The following TTLL5 variants were observed in gnomAD, a reference collection of about 807,000 sequenced individuals.
TTLL5 encodes tubulin tyrosine ligase like 5.
A neutral mutation model predicts 168.4 loss-of-function variants in TTLL5; 132 were observed. The observed-to-expected ratio is 0.78, with a 90% CI of 0.68 to 0.91. The LOEUF is 0.91. Ranked by LOEUF, TTLL5 falls within the 40% of genes least tolerant of loss-of-function variation. The probability of loss-of-function intolerance (pLI) is 0.00; values close to 1 mark genes in which losing one functional copy is unlikely to be tolerated. For missense variants in TTLL5, 1,545 were observed against 1,581.5 expected, an observed-to-expected ratio of 0.98 and a Z score of 0.39; for synonymous variants, 546 against 558.6, an observed-to-expected ratio of 0.98 and a Z score of 0.32.
At chr14:75,670,520 T>A (rs1248765344) in intron 3 of TTLL5, among the ~76,000 whole-genome samples, 1 of 152,210 alleles carries the variant, frequency 6.6e-6, no homozygotes, top group East Asian at 1.9e-4. Flanking sequence ...AGCTGTACCG[T>A]TTTACATTCC....
At chr14:75,735,142 C>G (rs1247345771) in intron 14 of TTLL5, 53 bp from the exon 15 acceptor site, 2 of 1,548,594 alleles carry the variant, frequency 1.3e-6, no homozygotes, top group Non-Finnish European at 1.8e-6. Context: ...GCAGCCAGAC[C>G]TGCTAATTTC....
At position 75,782,536 on chromosome 14, in the gene TTLL5, G is replaced by A. The variant is rs1181979097; in HGVS notation, c.2565G>A (p.Gln855=). The change falls in exon 25 of 32, where the codon CAG becomes CAA. Residue 855 remains glutamine (Q), a synonymous_variant. Coordinates refer to ENST00000298832, the MANE Select transcript of TTLL5 (RefSeq NM_015072.5). ...AAGTGAAAATAAAGCCACCTAAACAGCAACAGACGACAGAAATTCATTCTG... is the reference window on the plus strand; with the variant it reads ...AAGTGAAAATAAAGCCACCTAAACAACAACAGACGACAGAAATTCATTCTG... ...MEEVKIKPPK[Q]QQTTEIHSDK... 3.1e-6 allele frequency: 5 copies of A among 1,613,898 alleles called. No individual in the cohort carries two copies. Among genetic ancestry groups the A allele is most frequent in the Non-Finnish European group, 3.4e-6 (4 of 1,179,924 alleles).
Position 75,755,133 on chromosome 14 carries a change from G to T in TTLL5, c.1550+2178G>T, listed in dbSNP as rs567797874. Reference sequence around the variant, plus strand: ...TACAAAATTAGCCAGGCTTGGTGGCGCATGCCTATAATCCCAGCTACTTGG... The same window carrying T: ...TACAAAATTAGCCAGGCTTGGTGGCTCATGCCTATAATCCCAGCTACTTGG... On this transcript the variant is annotated intron_variant, in intron 18 of 31. Coordinates refer to ENST00000298832, the MANE Select transcript of TTLL5 (RefSeq NM_015072.5). Among the ~76,000 whole-genome samples the T allele has an allele frequency of 2.6e-5, 4 of 151,894 alleles. No homozygotes were observed. The East Asian group carries it at 5.8e-4, about 22-fold the overall frequency.
chr14:75,820,013 A>G lies in TTLL5; in HGVS notation c.3178A>G (p.Asn1060Asp). The G allele has an allele frequency of 1.3e-6, 2 of 1,596,898 alleles. No individual in the cohort carries two copies. The highest frequency in any genetic ancestry group is 1.7e-6 in the Non-Finnish European group (2 of 1,173,608). The change falls in exon 28 of 32, where the codon AAC (asparagine) becomes GAC (aspartate). Residue 1060 changes from asparagine to aspartate, a missense_variant. Transcript: ENST00000298832. ...HINLLTQQVT[N>D]LNLATGIINR... is the part of the protein sequence containing the mutation. ...TCCCTCGCTTTATTTCTAGGTAACA[A>G]ACCTGAATTTGGCAACTGGCATCAT...
intron 31 of TTLL5, among the ~76,000 whole-genome samples, chr14:75,953,054 T>C (rs1270320994): frequency 6.6e-6 from 1 of 152,120 alleles, no homozygotes. Flanking sequence ...TTTTAAAAAA[T>C]CAATAACAAT....
At chr14:75,884,117 A>C (rs2031967575) in intron 30 of TTLL5, among the ~76,000 whole-genome samples, 1 of 152,268 alleles carries the variant, frequency 6.6e-6, no homozygotes, top group Non-Finnish European at 1.5e-5. Context: ...TAACAGAGTT[A>C]ATATGTGTGA....
rs192869990 is a variant in TTLL5, at chr14:75,778,631, C to G, written c.2388-944C>G. On this transcript the variant is annotated intron_variant, in intron 23 of 31. Transcript: ENST00000298832. The stretch of plus-strand genomic sequence containing the variant: ...GTTTTCTGAAGATGGGATATAGGTT[C>G]TCTGTGATAATGCAGGCATTCTTCA... 3.2e-3 allele frequency among the ~76,000 whole-genome samples: 494 copies of G among 152,210 alleles called. 2 individuals are homozygous for G. The highest frequency in any genetic ancestry group is 4.9e-3 in the Non-Finnish European group (335 of 68,024).
intron 18 of TTLL5, among the ~76,000 whole-genome samples, chr14:75,756,997 G>A (rs1890308153): frequency 1.3e-5 from 2 of 150,276 alleles, no homozygotes; most frequent in Non-Finnish European, 3.0e-5. Context: ...TGTTTTTTTT[G>A]AGAGGAGTCT....
At chr14:75,902,872 T>C (rs1052786124) in intron 31 of TTLL5, among the ~76,000 whole-genome samples, 2 of 152,080 alleles carry the variant, frequency 1.3e-5, no homozygotes, top group African/African-American at 4.8e-5. Context: ...CTAGAGAAAA[T>C]AACATGCTGG....
chr14:75,745,685 TTTTG>T (rs1889565862), intron 17 of TTLL5, 104 bp downstream of exon 17: 5 of 863,846 alleles, frequency 5.8e-6, no homozygotes, highest in Middle Eastern at 2.5e-4. Context: ...GCTTTTCTTA[TTTTG>T]TTTATTTATA....
At chr14:75,846,869 C>T (rs1005719720) in intron 28 of TTLL5, among the ~76,000 whole-genome samples, 1 of 151,378 alleles carries the variant, frequency 6.6e-6, no homozygotes, top group Non-Finnish European at 1.5e-5. Context: ...TTTATGGACT[C>T]GAAGTGTGAG....
At chr14:75,762,888 A>G (rs1028299775) in intron 18 of TTLL5, among the ~76,000 whole-genome samples, 39 of 152,236 alleles carry the variant, frequency 2.6e-4, no homozygotes, top group African/African-American at 8.2e-4. Context: ...TCTTGTTTAT[A>G]TAATGAACAG....
intron 29 of TTLL5, among the ~76,000 whole-genome samples, chr14:75,865,947 A>G (rs1310882979): frequency 6.6e-6 from 1 of 152,212 alleles, no homozygotes; most frequent in East Asian, 1.9e-4. Flanking sequence ...TGTGTGTAAC[A>G]TTATTTCTTC....
intron 30 of TTLL5, among the ~76,000 whole-genome samples, chr14:75,890,781 G>A (rs1434025148): frequency 3.9e-5 from 6 of 152,172 alleles, no homozygotes; most frequent in Non-Finnish European, 7.4e-5. Flanking sequence ...GTGCAGTGGC[G>A]CGATCTTGGC....
chr14:75,776,899 A>T, intron 23 of TTLL5, 49 bp downstream of exon 23: 1 of 1,432,010 alleles, frequency 7.0e-7, no homozygotes, highest in East Asian at 2.3e-5. Context: ...CATCTTCCAT[A>T]ATGCTCATTG....
chr14:75,913,056 T>C (rs1018510055), intron 31 of TTLL5, among the ~76,000 whole-genome samples: 128 of 152,318 alleles, frequency 8.4e-4, no homozygotes, highest in African/African-American at 2.9e-3. Context: ...TAAGAACTAG[T>C]TGTGCTCTTA....
chr14:75,923,654 T>C (rs1255679771), intron 31 of TTLL5, among the ~76,000 whole-genome samples: 1 of 152,184 alleles, frequency 6.6e-6, no homozygotes, highest in Non-Finnish European at 1.5e-5. Flanking sequence ...TTAGAATAAG[T>C]GTGATGTGGT....
At chr14:75,764,826 A>C (rs1414887495) in intron 19 of TTLL5, 54 bp downstream of exon 19, 1 of 1,597,386 alleles carries the variant, frequency 6.3e-7, no homozygotes, top group Non-Finnish European at 8.6e-7. Flanking sequence ...TGCCAGACTG[A>C]GTTAACCAGC....
chr14:75,681,216 T>C (rs959215160), intron 3 of TTLL5, among the ~76,000 whole-genome samples: 2 of 152,214 alleles, frequency 1.3e-5, no homozygotes, highest in East Asian at 3.8e-4. Context: ...TAAAATAATA[T>C]TAAAAATATC....
Sources: allele counts gnomAD v4.1 joint callset (sites outside exome capture counted in the v4.1 genomes callset), GRCh38; gene constraint gnomAD v4.1.1; transcripts MANE v1.5; gene names NCBI Gene and HGNC (gene_info 2026-07-23, HGNC 2026-07-21).